The following MAJIN variants were observed in gnomAD, a reference collection of about 807,000 sequenced individuals.
MAJIN encodes the protein membrane anchored junction protein.
Under a neutral mutation model 30.2 loss-of-function variants are expected in MAJIN, and 27 were observed. The observed-to-expected ratio is 0.89, with a 90% CI of 0.66 to 1.23. The LOEUF is 1.23. Ranked by LOEUF, MAJIN falls within the 50% of genes most tolerant of loss-of-function variation. The pLI, the probability that MAJIN is intolerant of heterozygous loss-of-function variation, is 0.00. For missense variants in MAJIN, 253 were observed against 260.3 expected (o/e 0.97, Z 0.19); for synonymous variants, 78 against 91.6 (o/e 0.85, Z 0.85).
intron 8 of MAJIN, chr11:64,946,190 G>T (rs771254890): frequency 6.6e-7 from 1 of 1,518,146 alleles, no homozygotes; most frequent in Non-Finnish European, 8.8e-7. Flanking sequence ...AATGTTACTG[G>T]CAGAGGCAAT....
At chr11:64,939,094 AATTTT>A (rs942535623) in intron 10 of MAJIN, among the ~76,000 whole-genome samples, 7 of 151,374 alleles carry the variant, frequency 4.6e-5, no homozygotes, top group South Asian at 2.1e-4. Context: ...ACATCCGGCT[AATTTT>A]ATTTTATTTT....
chr11:64,954,916 T>C, intron 3 of MAJIN, 114 bp from the exon 4 acceptor site: 1 of 920,926 alleles, frequency 1.1e-6, no homozygotes, highest in Non-Finnish European at 1.6e-6. Flanking sequence ...ATGACATAAG[T>C]AAAACTGTGT....
Position 64,954,801 on chromosome 11 carries a change from C to T in MAJIN, c.103G>A (p.Gly35Arg), listed in dbSNP as rs1432025788. 2 of 1,609,652 alleles carry T rather than the reference C, an allele frequency of 1.2e-6. No homozygotes were observed. The highest frequency in any genetic ancestry group is 2.7e-5 in the African/African-American group (2 of 74,616). Reference sequence around the variant, plus strand: ...ACTTCCTTATTTTCTATCTCTTCTCCTCTAGAAGGTAAACAGACAAGAGAC... The same window carrying T: ...ACTTCCTTATTTTCTATCTCTTCTCTTCTAGAAGGTAAACAGACAAGAGAC... The part of the protein sequence containing the change: ...FKIRYGKSIR[G>R]EEIENKEVIT... Residue 35 changes from glycine (G) to arginine (R), a missense_variant and splice_region_variant, in exon 4 of 11, where the codon GGA becomes AGA. By Grantham distance (125) the Gly-to-Arg change is moderately radical. Coordinates refer to ENST00000301896, the MANE Select transcript of MAJIN (RefSeq NM_001037225.3).
At chr11:64,971,391 G>T (rs569995485) in intron 1 of MAJIN, among the ~76,000 whole-genome samples, 2 of 134,846 alleles carry the variant, frequency 1.5e-5, no homozygotes, top group South Asian at 2.4e-4. Context: ...CGCCCCCACT[G>T]AACTCCAGCC....
chr11:64,955,850 G>C (rs756052700), intron 3 of MAJIN, among the ~76,000 whole-genome samples: 3 of 152,176 alleles, frequency 2.0e-5, no homozygotes, highest in Non-Finnish European at 4.4e-5. Context: ...AATGACCAGT[G>C]AAACACATCA....
intron 2 of MAJIN, among the ~76,000 whole-genome samples, chr11:64,959,677 C>A (rs754714213): frequency 1.1e-4 from 16 of 152,192 alleles, no homozygotes; most frequent in Non-Finnish European, 2.1e-4. Context: ...TTATGCAAAT[C>A]ATTTCTCTTC....
chr11:64,947,308 C>G (rs7482817), intron 8 of MAJIN, 66 bp downstream of exon 8: 1 of 1,399,536 alleles, frequency 7.1e-7, no homozygotes, highest in East Asian at 2.3e-5. Flanking sequence ...CAGGATCAAC[C>G]AACAGTAATA....
chr11:64,961,791 C>CT (rs796661807), intron 1 of MAJIN, among the ~76,000 whole-genome samples: 6,020 of 132,020 alleles, frequency 0.046, 443 homozygotes, highest in African/African-American at 0.16. Flanking sequence ...TTTTTCTTTT[C>CT]TTTTTTTTTT....
intron 8 of MAJIN, among the ~76,000 whole-genome samples, chr11:64,945,621 C>T (rs897065871): frequency 6.6e-6 from 1 of 151,892 alleles, no homozygotes; most frequent in Non-Finnish European, 1.5e-5. Flanking sequence ...CTGCAACCTC[C>T]GCCTCCTGGG....
In MAJIN at chr11:64,947,367, CACT is replaced by C. The variant is rs1266865031; in HGVS notation, c.473+4_473+6del. On this transcript the variant is annotated splice_donor_5th_base_variant and intron_variant, in intron 8 of 10. Coordinates refer to ENST00000301896, the MANE Select transcript of MAJIN (RefSeq NM_001037225.3). Reference sequence around the variant, plus strand: ...CAGGAGCGAGCCTCTCTCCCCACACCACTGACCTGTCCAGCCCTGGCCTGCTGG... The same window carrying C: ...CAGGAGCGAGCCTCTCTCCCCACACCGACCTGTCCAGCCCTGGCCTGCTGG... 1 of 1,611,630 alleles carries C rather than the reference CACT, an allele frequency of 6.2e-7. No homozygotes were observed.
At chr11:64,959,446 A>T (rs368913675) in intron 2 of MAJIN, 24 bp from the exon 3 acceptor site, 1 of 1,558,058 alleles carries the variant, frequency 6.4e-7, no homozygotes, top group Non-Finnish European at 8.8e-7. Context: ...AAAGAGAATT[A>T]CTAAAAAGCT....
intron 10 of MAJIN, among the ~76,000 whole-genome samples, chr11:64,939,180 C>A (rs1030586039): frequency 6.6e-6 from 1 of 152,130 alleles, no homozygotes; most frequent in Admixed American, 6.5e-5. Flanking sequence ...TCAGCCTCAC[C>A]TCCACCTCCC....
intron 8 of MAJIN, 113 bp downstream of exon 8, chr11:64,947,261 G>T: frequency 1.2e-6 from 1 of 813,016 alleles, no homozygotes; most frequent in Non-Finnish European, 1.9e-6. Flanking sequence ...GGCAGATACT[G>T]ATGAAGTCCT....
intron 8 of MAJIN, among the ~76,000 whole-genome samples, chr11:64,942,964 C>T (rs984871719): frequency 6.6e-6 from 1 of 152,096 alleles, no homozygotes; most frequent in South Asian, 2.1e-4. Flanking sequence ...ACCGCTGAAC[C>T]AGGGAAAAGT....
intron 3 of MAJIN, among the ~76,000 whole-genome samples, chr11:64,959,104 A>AC (rs1945682806): frequency 6.6e-6 from 1 of 151,954 alleles, no homozygotes; most frequent in East Asian, 1.9e-4. Flanking sequence ...AAAAAAAAAA[A>AC]AAAAAAAAAA....
intron 6 of MAJIN, among the ~76,000 whole-genome samples, chr11:64,948,593 G>A (rs1428460514): frequency 6.4e-5 from 5 of 78,650 alleles, no homozygotes; most frequent in South Asian, 1.1e-3. Context: ...CCACCATGTC[G>A]GGCTACATCA....
intron 1 of MAJIN, among the ~76,000 whole-genome samples, chr11:64,968,638 T>C (rs1240913217): frequency 6.6e-6 from 1 of 151,462 alleles, no homozygotes; most frequent in South Asian, 2.1e-4. Flanking sequence ...ATCGAGACCA[T>C]CCTGTGAATG....
At chr11:64,943,114 T>C (rs1052881927) in intron 8 of MAJIN, among the ~76,000 whole-genome samples, 1 of 152,176 alleles carries the variant, frequency 6.6e-6, no homozygotes, top group Non-Finnish European at 1.5e-5. Flanking sequence ...CATCAGAACA[T>C]AATACTCTGA....
chr11:64,947,856 G>GA, intron 6 of MAJIN, 37 bp from the exon 7 acceptor site: 13 of 1,276,338 alleles, frequency 1.0e-5, no homozygotes, highest in Non-Finnish European at 1.2e-5. Context: ...ATAGATTTAA[G>GA]ACTTTTTTTT....
Sources: allele counts gnomAD v4.1 joint callset (sites outside exome capture counted in the v4.1 genomes callset), GRCh38; gene constraint gnomAD v4.1.1; transcripts MANE v1.5; gene names NCBI Gene and HGNC (gene_info 2026-07-23, HGNC 2026-07-21).